The following SASH1 variants were observed in gnomAD, a reference collection of about 807,000 sequenced individuals.
SASH1 encodes SAM and SH3 domain-containing protein 1.
A neutral mutation model predicts 125.2 loss-of-function variants in SASH1; 44 were observed. The observed-to-expected ratio is 0.35, with a 90% CI of 0.28 to 0.45. The LOEUF (loss-of-function observed/expected upper bound fraction) is 0.45. Among genes scored for constraint, SASH1 ranks in the 20% least tolerant of loss-of-function variants. The pLI is 1.00. For synonymous variants in SASH1, 639 were observed against 649.1 expected, an observed-to-expected ratio of 0.98 and a Z score of 0.24; for missense variants, 1,426 against 1,614.5, an observed-to-expected ratio of 0.88 and a Z score of 2.00.
Position 148,544,713 on chromosome 6 carries a change from G to A in SASH1, c.3243G>A (p.Leu1081=), listed in dbSNP as rs1191464943. 1 of 1,610,892 alleles carries A rather than the reference G, an allele frequency of 6.2e-7. No individual in the cohort carries two copies. The highest frequency in any genetic ancestry group is 1.3e-5 in the African/African-American group (1 of 74,850). ...ACGGTGTGAAGCTGGGCCCGGCTTT[G>A]ACCAGGAAGGTCTCCTGTGCCCGGG... is the stretch of plus-strand genomic sequence containing the variant. The part of the protein sequence containing the change: ...QEHGVKLGPA[L]TRKVSCARGV... The change falls in exon 18 of 20, where the codon TTG becomes TTA. Residue 1081 remains leucine, a synonymous_variant. Coordinates refer to ENST00000367467, the MANE Select transcript of SASH1 (RefSeq NM_015278.5). The surrounding 1 kb of genome is among the most constrained non-coding windows in gnomAD (Gnocchi z 6.4).
intron 1 of SASH1, among the ~76,000 whole-genome samples, chr6:148,368,770 G>GCGCGCACACACA (rs1554245330): frequency 4.4e-5 from 6 of 135,732 alleles, no homozygotes; most frequent in African/African-American, 1.6e-4. Flanking sequence ...GCACGCGCGC[G>GCGCGCACACACA]CACACACACA....
At chr6:148,248,737 C>T in the SASH1 span, among the ~76,000 whole-genome samples, 1 of 152,172 alleles carries the variant, frequency 6.6e-6, no homozygotes. Flanking sequence ...TCATTTGGTG[C>T]TAAAGCATCT....
At chr6:148,246,685 T>C in the SASH1 span, among the ~76,000 whole-genome samples, 2 of 152,254 alleles carry the variant, frequency 1.3e-5, no homozygotes, top group African/African-American at 4.8e-5. Flanking sequence ...GTCAGGTTCA[T>C]AATTTATCTG....
intron 4 of SASH1, among the ~76,000 whole-genome samples, chr6:148,446,896 A>G (rs1776820377): frequency 1.3e-5 from 2 of 152,216 alleles, no homozygotes; most frequent in Admixed American, 6.5e-5. Context: ...AAGAACCCAT[A>G]ACCCTAACCA....
At chr6:148,362,979 G>C (rs535779368) in intron 1 of SASH1, among the ~76,000 whole-genome samples, 9 of 152,222 alleles carry the variant, frequency 5.9e-5, no homozygotes, top group Non-Finnish European at 1.3e-4. Context: ...AGCTGGGAGA[G>C]AGGGTGTGGA....
chr6:148,252,566 C>T, the SASH1 span, among the ~76,000 whole-genome samples: 1 of 151,806 alleles, frequency 6.6e-6, no homozygotes, highest in Non-Finnish European at 1.5e-5. Flanking sequence ...GCAACCACCA[C>T]CTTCCAGGTT....
chr6:148,380,934 T>C (rs1307654104), intron 1 of SASH1, among the ~76,000 whole-genome samples: 1 of 152,254 alleles, frequency 6.6e-6, no homozygotes, highest in African/African-American at 2.4e-5. Context: ...TGATTTTATA[T>C]TGGATACTTA....
chr6:148,508,708 T>G, intron 8 of SASH1: 3 of 1,202,344 alleles, frequency 2.5e-6, no homozygotes, highest in Non-Finnish European at 3.2e-6. Flanking sequence ...CGGTGGAGCC[T>G]GCCTGATCAT....
chr6:148,430,529 A>G (rs1179088127), intron 2 of SASH1, among the ~76,000 whole-genome samples: 1 of 151,906 alleles, frequency 6.6e-6, no homozygotes, highest in East Asian at 1.9e-4. Context: ...ATGAGGTTTC[A>G]CCCTGTTGGC....
intron 2 of SASH1, among the ~76,000 whole-genome samples, chr6:148,426,663 A>G (rs1022840083): frequency 6.6e-6 from 1 of 152,074 alleles, no homozygotes; most frequent in African/African-American, 2.4e-5. Context: ...TGTCTGTTTC[A>G]CTGTTTTATC....
chr6:148,347,787 C>A (rs1450087950), intron 1 of SASH1, among the ~76,000 whole-genome samples: 1 of 152,028 alleles, frequency 6.6e-6, no homozygotes, highest in Non-Finnish European at 1.5e-5. Context: ...AGCCTTGTGG[C>A]CTCTCTATGT....
rs1274121325 is a variant in SASH1, at chr6:148,534,893, A to G, written c.2087A>G (p.Glu696Gly). Residue 696 changes from glutamate (E) to glycine (G), a missense_variant, in exon 16 of 20, where the codon GAG becomes GGG. Physicochemically the swap from Glu to Gly is moderately conservative, Grantham distance 98. Transcript: ENST00000367467. The part of the protein sequence containing the change: ...VLLTAVELLQ[E>G]YDSNSDQSGS... ...TTGACAGCAGTGGAGCTGTTACAAG[A>G]GTATGACAGTAAGTCCCTGTATGCA... 6.2e-7 allele frequency: 1 copy of G among 1,614,128 alleles called. No homozygotes were observed. The highest frequency in any genetic ancestry group is 8.5e-7 in the Non-Finnish European group (1 of 1,179,956).
upstream of SASH1, among the ~76,000 whole-genome samples, chr6:148,270,117 A>G (rs1779027668): frequency 6.6e-6 from 1 of 152,260 alleles, no homozygotes; most frequent in Non-Finnish European, 1.5e-5. Flanking sequence ...TTGCTGGGAC[A>G]GCAAGAGGAT....
the SASH1 span, among the ~76,000 whole-genome samples, chr6:148,228,922 C>T: frequency 1.2e-3 from 176 of 152,020 alleles, no homozygotes; most frequent in African/African-American, 3.9e-3. Context: ...GATCACTTGA[C>T]GTCAAGAGTT....
At chr6:148,356,494 C>CTTTTTTTTTTTTTTTTT (rs57183555) in intron 1 of SASH1, among the ~76,000 whole-genome samples, 60 of 116,262 alleles carry the variant, frequency 5.2e-4, no homozygotes, top group Non-Finnish European at 6.3e-4. Flanking sequence ...ACTTTTAGTT[C>CTTTTTTTTTTTTTTTTT]TTTTTTTTTT....
At chr6:148,405,905 G>C (rs921666134) in intron 2 of SASH1, among the ~76,000 whole-genome samples, 1 of 152,176 alleles carries the variant, frequency 6.6e-6, no homozygotes, top group African/African-American at 2.4e-5. Context: ...ACTTTAAAGT[G>C]CAACTTGTTA....
rs966631954 is a variant in SASH1, at chr6:148,527,994, G to C, written c.1428+398G>C. On this transcript the variant is annotated intron_variant, in intron 12 of 19. Transcript: ENST00000367467. ...ACCTAAAGCTTTTTTTTTTTGGGGG[G>C]GGGGGTGGCAGTAGACTTGTCGATC... Among the ~76,000 whole-genome samples, 114 of 141,944 alleles carry C rather than the reference G, an allele frequency of 8.0e-4. 1 individual carries two copies. In the East Asian group the frequency reaches 0.021, roughly 26 times the overall value. The allele number at this position is 141,944 out of a possible 152,430, so 93.1% of individuals were successfully genotyped here. A position where few individuals can be genotyped will look rare whatever the true frequency, so the allele number is the denominator to read the frequency against.
chr6:148,417,590 T>A (rs1173383400), intron 2 of SASH1, among the ~76,000 whole-genome samples: 14 of 150,582 alleles, frequency 9.3e-5, no homozygotes, highest in African/African-American at 3.5e-4. Flanking sequence ...TCAAAATAAA[T>A]AAATAAATAA....
At position 148,548,286 on chromosome 6, in the gene SASH1, T is replaced by A. The variant is rs1490744192; in HGVS notation, c.3481-9T>A. On this transcript the variant is annotated splice_polypyrimidine_tract_variant and intron_variant, in intron 19 of 19. Transcript: ENST00000367467. ...GCGTTTCTATCATATTCTTTCTTAA[T>A]TTATCCAGATTCCAAGTGGTGGACT... The A allele has an allele frequency of 6.2e-7, 1 of 1,602,354 alleles. No individual in the cohort carries two copies. Among genetic ancestry groups the A allele is most frequent in the Non-Finnish European group, 8.5e-7 (1 of 1,174,070 alleles).
Sources: gnomAD v4.1 joint callset for allele counts (sites outside exome capture counted in the v4.1 genomes callset) on GRCh38, gnomAD v4.1.1 for gene constraint, Gnocchi (gnomAD v3.1) non-coding constraint, MANE v1.5 for transcripts, NCBI Gene and HGNC (gene_info 2026-07-23, HGNC 2026-07-21) for gene names.